FAM120B: variants seen among roughly 807,000 people sequenced by gnomAD.
The protein encoded by FAM120B is constitutive coactivator of peroxisome proliferator-activated receptor gamma.
FAM120B carries 83 observed loss-of-function variants against 96.3 expected under a neutral mutation model. The observed-to-expected ratio is 0.86, with a 90% CI of 0.72 to 1.03. The LOEUF is 1.03. FAM120B is among the 50% of genes least tolerant of loss of function. The probability of loss-of-function intolerance (pLI) is 0.00; values close to 1 mark genes in which losing one functional copy is unlikely to be tolerated. For missense variants in FAM120B, 1,027 were observed against 1,121.2 expected (o/e 0.92, Z 1.20); for synonymous variants, 407 against 402.7 (o/e 1.01, Z -0.13).
In FAM120B at chr6:170,403,681, G is replaced by A. The variant is rs147143974; in HGVS notation, c.2693-869G>A. Among the ~76,000 whole-genome samples the A allele has an allele frequency of 7.2e-5, 11 of 152,118 alleles. No individual in the cohort carries two copies. In the South Asian group the frequency reaches 8.3e-4, roughly 11 times the overall value. On this transcript the variant is annotated intron_variant, in intron 9 of 10. Transcript: ENST00000476287. Reference sequence around the variant, plus strand: ...CTCTTCCTTGCTGTTGCTCAGCCCCGCTGGAAAGAGATGACGTGTTAAATT... The same window carrying A: ...CTCTTCCTTGCTGTTGCTCAGCCCCACTGGAAAGAGATGACGTGTTAAATT...
At chr6:170,309,646 T>C (rs1784479417) in intron 1 of FAM120B, among the ~76,000 whole-genome samples, 2 of 152,266 alleles carry the variant, frequency 1.3e-5, no homozygotes, top group Admixed American at 1.3e-4. Flanking sequence ...ACTGTTCCTA[T>C]TAGGACTTTA....
At position 170,295,503 on chromosome 6, in the gene FAM120B, G is replaced by T; in HGVS notation, c.48+50G>T. On this transcript the variant is annotated intron_variant, in intron 1 of 10. Coordinates refer to the FAM120B transcript ENST00000537664. This position sits in a 1 kb window ranked among gnomAD's most constrained non-coding sequence, Gnocchi z 7.8. Reference sequence around the variant, plus strand: ...AGGCGCGCGGCCCCCAGGCAGCCGCGCTTCCACAGCGGGCAGGAGCGCGAC... The same window carrying T: ...AGGCGCGCGGCCCCCAGGCAGCCGCTCTTCCACAGCGGGCAGGAGCGCGAC... 2 of 691,150 alleles carry T rather than the reference G, an allele frequency of 2.9e-6. No homozygotes were observed. The highest frequency in any genetic ancestry group is 5.3e-6 in the Non-Finnish European group (2 of 379,552). 42.8% of individuals were successfully genotyped at this position (691,150 alleles called of 1,614,324 possible). A position where few individuals can be genotyped will look rare whatever the true frequency, so the allele number is the denominator to read the frequency against.
chr6:170,380,848 A>G (rs550243829), intron 6 of FAM120B, among the ~76,000 whole-genome samples: 20 of 152,292 alleles, frequency 1.3e-4, no homozygotes, highest in Middle Eastern at 3.4e-3. Flanking sequence ...AAGCTTTGCT[A>G]TGTGAGGTAG....
chr6:170,362,221 G>A (rs1181658934), intron 6 of FAM120B, among the ~76,000 whole-genome samples: 1 of 152,194 alleles, frequency 6.6e-6, no homozygotes. Flanking sequence ...GGGCAGAAGA[G>A]GACATGAACT....
Position 170,317,847 on chromosome 6 carries a change from T to C in FAM120B, c.457T>C (p.Leu153=). ...TCTAAAGACACTGGGCCAGGAAACT[T>C]TGTGTTCTTTGCAGGAAGCAGATTA... ...FALKTLGQET[L]CSLQEADYEV... The change falls in exon 2 of 11, where the codon TTG becomes CTG. Residue 153 remains leucine, a synonymous_variant. Transcript: ENST00000476287. 1 of 1,614,188 alleles carries C rather than the reference T, an allele frequency of 6.2e-7. No homozygotes were observed. The highest frequency in any genetic ancestry group is 1.3e-5 in the African/African-American group (1 of 75,054).
At chr6:170,340,454 G>T (rs1202642263) in intron 4 of FAM120B, among the ~76,000 whole-genome samples, 1 of 152,182 alleles carries the variant, frequency 6.6e-6, no homozygotes, top group Non-Finnish European at 1.5e-5. Flanking sequence ...TTAGCTCAGA[G>T]GAGTTTGTTA....
intron 6 of FAM120B, among the ~76,000 whole-genome samples, chr6:170,374,659 C>T (rs1789404068): frequency 6.6e-6 from 1 of 152,212 alleles, no homozygotes; most frequent in South Asian, 2.1e-4. Context: ...GCAAACTTTT[C>T]AGTTTTCAGT....
chr6:170,380,800 C>T (rs1393334507), intron 6 of FAM120B, among the ~76,000 whole-genome samples: 1 of 152,176 alleles, frequency 6.6e-6, no homozygotes, highest in Non-Finnish European at 1.5e-5. Context: ...CATAGACTGC[C>T]TTTTCATTTA....
chr6:170,351,945 A>G (rs768401791), intron 5 of FAM120B, among the ~76,000 whole-genome samples: 1 of 152,212 alleles, frequency 6.6e-6, no homozygotes, highest in Non-Finnish European at 1.5e-5. Flanking sequence ...AACAATAGTA[A>G]CCCTAAACGT....
At chr6:170,395,460 T>C in intron 8 of FAM120B, 27 bp from the exon 9 acceptor site, 2 of 1,544,314 alleles carry the variant, frequency 1.3e-6, no homozygotes, top group Non-Finnish European at 1.8e-6. Context: ...GACAACTTAC[T>C]AATCTTCTGA....
chr6:170,398,574 G>C (rs13192189), intron 9 of FAM120B, among the ~76,000 whole-genome samples: 1,420 of 102,218 alleles, frequency 0.014, 52 homozygotes, highest in African/African-American at 0.021. Context: ...TATGTCATAA[G>C]CCTTAGGAGT....
chr6:170,334,571 T>TGTGC (rs1554281508), intron 4 of FAM120B, among the ~76,000 whole-genome samples: 4 of 151,756 alleles, frequency 2.6e-5, no homozygotes, highest in South Asian at 4.2e-4. Flanking sequence ...TGTGTGTGTG[T>TGTGC]GTGCACATGC....
intron 9 of FAM120B, among the ~76,000 whole-genome samples, chr6:170,400,541 G>T (rs1021226618): frequency 2.0e-5 from 3 of 152,134 alleles, no homozygotes; most frequent in Non-Finnish European, 4.4e-5. Flanking sequence ...GCCCTTAGGG[G>T]ATCCCTGGAC....
intron 1 of FAM120B, among the ~76,000 whole-genome samples, chr6:170,313,359 C>T (rs1449372311): frequency 6.6e-6 from 1 of 152,122 alleles, no homozygotes; most frequent in Admixed American, 6.6e-5. Flanking sequence ...CACAACAAGC[C>T]ATGGGGGAAC....
chr6:170,291,160 C>T, upstream of FAM120B: 1 of 654,572 alleles, frequency 1.5e-6, no homozygotes, highest in Non-Finnish European at 2.8e-6. Flanking sequence ...CCCCCAGCCC[C>T]CCCTTCCTCC....
intron 6 of FAM120B, among the ~76,000 whole-genome samples, chr6:170,382,373 C>A (rs968496182): frequency 3.3e-5 from 5 of 152,152 alleles, no homozygotes; most frequent in Non-Finnish European, 7.3e-5. Context: ...CACCATACTC[C>A]AGCCTGGGCA....
intron 4 of FAM120B, among the ~76,000 whole-genome samples, chr6:170,332,500 C>A (rs1467553948): frequency 2.0e-5 from 3 of 152,170 alleles, no homozygotes; most frequent in Non-Finnish European, 4.4e-5. Flanking sequence ...GAGTTTGACA[C>A]CCGCCTGGCT....
intron 1 of FAM120B, among the ~76,000 whole-genome samples, chr6:170,310,186 TGTGA>T (rs1267307863): frequency 6.6e-6 from 1 of 152,212 alleles, no homozygotes; most frequent in Admixed American, 6.5e-5. Flanking sequence ...ATAAGTGTCT[TGTGA>T]GTAAGTTGTT....
intron 4 of FAM120B, among the ~76,000 whole-genome samples, chr6:170,339,775 T>C (rs1357455104): frequency 4.2e-5 from 5 of 119,622 alleles, no homozygotes; most frequent in Non-Finnish European, 6.8e-5. Flanking sequence ...CGAGACTCCA[T>C]CTCAAAAAAA....
Sources: gnomAD v4.1 joint callset for allele counts (sites outside exome capture counted in the v4.1 genomes callset) on GRCh38, gnomAD v4.1.1 for gene constraint, Gnocchi (gnomAD v3.1) non-coding constraint, MANE v1.5 for transcripts, NCBI Gene and HGNC (gene_info 2026-07-23, HGNC 2026-07-21) for gene names.